Variants in RMST observed in about 807,000 individuals in gnomAD.
The protein encoded by RMST is long intergenic non-protein coding RNA 54.
Position 97,554,181 on chromosome 12 carries a change from C to A in RMST, n.1546-6356C>A, listed in dbSNP as rs146862426. Among the ~76,000 whole-genome samples the A allele has an allele frequency of 8.5e-3, 1,290 of 151,958 alleles. 21 individuals are homozygous for A. The highest frequency in any genetic ancestry group is 0.029 in the African/African-American group (1,203 of 41,462). Reference sequence around the variant, plus strand: ...GTTGGTCATGCTGGTCTTGAACTCCCGACCTCAGGTGATCCATCTGCCTCA... The same window carrying A: ...GTTGGTCATGCTGGTCTTGAACTCCAGACCTCAGGTGATCCATCTGCCTCA... On this transcript the variant is annotated intron_variant and non_coding_transcript_variant, in intron 11 of 13. Coordinates refer to ENST00000640149, the Ensembl canonical transcript of RMST.
intron 11 of RMST, among the ~76,000 whole-genome samples, chr12:97,559,321 T>G (rs1170048781): frequency 6.6e-6 from 1 of 152,224 alleles, no homozygotes; most frequent in African/African-American, 2.4e-5. Flanking sequence ...CTTTGCTTTC[T>G]ATTATTGCCA....
rs576702671 is a variant in RMST at position 97,493,600 on chromosome 12, C to T, written n.900-275C>T. On this transcript the variant is annotated intron_variant and non_coding_transcript_variant, in intron 7 of 13. Coordinates refer to ENST00000640149, the Ensembl canonical transcript of RMST. ...TTCCACGTGGAATACTTGCATTATA[C>T]GATATAAAAGAGTCTCTCTCTTAAA... Among the ~76,000 whole-genome samples the T allele has an allele frequency of 6.0e-4, 92 of 152,130 alleles. 1 individual carries two copies. The highest frequency in any genetic ancestry group is 1.8e-3 in the African/African-American group (76 of 41,518).
intron 11 of RMST, among the ~76,000 whole-genome samples, chr12:97,551,662 A>T (rs1883321481): frequency 6.6e-6 from 1 of 152,092 alleles, no homozygotes. Flanking sequence ...GCTGTTTATT[A>T]TTTCAAAGGC....
At chr12:97,475,069 G>C (rs557123143) in intron 5 of RMST, among the ~76,000 whole-genome samples, 1 of 152,090 alleles carries the variant, frequency 6.6e-6, no homozygotes, top group African/African-American at 2.4e-5. Flanking sequence ...ATATTTAAAC[G>C]TGAAATCTAA....
intron 11 of RMST, among the ~76,000 whole-genome samples, chr12:97,548,594 G>A (rs996353906): frequency 6.6e-6 from 1 of 151,764 alleles, no homozygotes; most frequent in Admixed American, 6.6e-5. Context: ...ATTTATTCCT[G>A]AGTATTTTAT....
chr12:97,492,722 T>C (rs780032554), intron 6 of RMST: 12 of 152,216 alleles, frequency 7.9e-5, no homozygotes, highest in Non-Finnish European at 1.5e-4. Flanking sequence ...CTTTTAATGC[T>C]ATAAAATGCA....
chr12:97,522,730 A>T (rs979852226), intron 10 of RMST, among the ~76,000 whole-genome samples: 12 of 152,192 alleles, frequency 7.9e-5, no homozygotes, highest in Non-Finnish European at 1.8e-4. Flanking sequence ...TTATTTCATG[A>T]ATATATTTTA....
intron 10 of RMST, among the ~76,000 whole-genome samples, chr12:97,499,920 A>G (rs1242751618): frequency 6.6e-6 from 1 of 151,996 alleles, no homozygotes; most frequent in African/African-American, 2.4e-5. Context: ...TGGCCTCCCA[A>G]AGTATTAGGA....
chr12:97,516,753 A>C (rs1879979044), intron 10 of RMST, among the ~76,000 whole-genome samples: 1 of 151,946 alleles, frequency 6.6e-6, no homozygotes, highest in South Asian at 2.1e-4. Context: ...ATTGCTTTAG[A>C]AATTGCTATA....
intron 5 of RMST, among the ~76,000 whole-genome samples, chr12:97,481,658 G>A (rs1278683417): frequency 6.6e-6 from 1 of 152,182 alleles, no homozygotes; most frequent in Non-Finnish European, 1.5e-5. Flanking sequence ...CCTGGCCGGT[G>A]TGCCAGGCAG....
At chr12:97,503,117 T>C (rs1010304889) in intron 10 of RMST, among the ~76,000 whole-genome samples, 1 of 152,240 alleles carries the variant, frequency 6.6e-6, no homozygotes, top group Non-Finnish European at 1.5e-5. Flanking sequence ...GTCTTTACCA[T>C]ATTGATTTCC....
At chr12:97,539,227 C>T (rs1882316953) in intron 11 of RMST, among the ~76,000 whole-genome samples, 1 of 151,652 alleles carries the variant, frequency 6.6e-6, no homozygotes. Context: ...TTAGGCCTTT[C>T]AAAGGTGCTT....
intron 10 of RMST, among the ~76,000 whole-genome samples, chr12:97,528,731 T>C (rs1252383244): frequency 1.3e-5 from 2 of 152,154 alleles, no homozygotes; most frequent in Non-Finnish European, 1.5e-5. Context: ...ATCATTTAAT[T>C]TTAAAAGTAA....
intron 11 of RMST, among the ~76,000 whole-genome samples, chr12:97,556,587 C>T (rs1434948402): frequency 6.6e-6 from 1 of 152,160 alleles, no homozygotes; most frequent in East Asian, 1.9e-4. Context: ...GTAGGACACA[C>T]CAAATTCAAT....
At chr12:97,547,684 C>G (rs1046555258) in intron 11 of RMST, among the ~76,000 whole-genome samples, 7 of 152,072 alleles carry the variant, frequency 4.6e-5, no homozygotes, top group African/African-American at 1.4e-4. Context: ...GGCCATTCGT[C>G]TGTCTTCTTT....
intron 10 of RMST, among the ~76,000 whole-genome samples, chr12:97,522,914 TC>T (rs1257587980): frequency 6.6e-6 from 1 of 152,128 alleles, no homozygotes; most frequent in Non-Finnish European, 1.5e-5. Context: ...TTTTACCATA[TC>T]CAAATTTGAT....
chr12:97,535,345 CTG>C (rs1333666037), intron 11 of RMST, among the ~76,000 whole-genome samples: 1 of 151,684 alleles, frequency 6.6e-6, no homozygotes. Flanking sequence ...CATACTATCT[CTG>C]TGTATTACTT....
At chr12:97,463,435 T>G (rs1472963385) in intron 4 of RMST, 2 of 152,436 alleles carry the variant, frequency 1.3e-5, no homozygotes, top group Non-Finnish European at 2.9e-5. Flanking sequence ...TTCTCCGGGC[T>G]TTGTGTTACT....
At chr12:97,553,887 A>G (rs1481743462) in intron 11 of RMST, among the ~76,000 whole-genome samples, 3 of 151,266 alleles carry the variant, frequency 2.0e-5, no homozygotes, top group African/African-American at 7.3e-5. Context: ...ATGAGATGAT[A>G]TATTTGCATA....
Sources: allele counts gnomAD v4.1 joint callset (sites outside exome capture counted in the v4.1 genomes callset), GRCh38; gene constraint gnomAD v4.1.1; transcripts MANE v1.5; gene names NCBI Gene and HGNC (gene_info 2026-07-23, HGNC 2026-07-21).